The following FOXP1 variants were observed in gnomAD, a reference collection of about 807,000 sequenced individuals.
FOXP1 encodes forkhead box P1, also known as forkhead box protein P1.
FOXP1 carries 15 observed loss-of-function variants against 98.2 expected under a neutral mutation model. The observed-to-expected ratio is 0.15, with a 90% CI of 0.10 to 0.24. The LOEUF is 0.24. Ranked by LOEUF, FOXP1 falls within the 10% of genes least tolerant of loss-of-function variation. FOXP1 has a pLI of 1.00. For synonymous variants in FOXP1, 371 were observed against 314.5 expected (o/e 1.18, Z -1.90); for missense variants, 633 against 848.5 (o/e 0.75, Z 3.15).
chr3:70,961,607 T>A (rs2033536077), intron 20 of FOXP1, among the ~76,000 whole-genome samples: 1 of 152,136 alleles, frequency 6.6e-6, no homozygotes, highest in South Asian at 2.1e-4. Flanking sequence ...CCCAGCAGTC[T>A]GTATTAAGCA....
intron 2 of FOXP1, among the ~76,000 whole-genome samples, chr3:71,531,379 C>T (rs1224279128): frequency 6.6e-6 from 1 of 152,214 alleles, no homozygotes; most frequent in Non-Finnish European, 1.5e-5. Context: ...GCTCCAGTTA[C>T]AGCTGTAAAC....
intron 12 of FOXP1, among the ~76,000 whole-genome samples, chr3:71,005,228 G>C (rs1406533028): frequency 6.9e-6 from 1 of 144,950 alleles, no homozygotes; most frequent in Admixed American, 7.3e-5. Context: ...CTCTTAGCCA[G>C]TGAGCTGACA....
At chr3:71,214,064 G>T (rs753021859) in intron 5 of FOXP1, among the ~76,000 whole-genome samples, 13 of 151,528 alleles carry the variant, frequency 8.6e-5, no homozygotes, top group Non-Finnish European at 1.2e-4. Flanking sequence ...CTGAGAAACA[G>T]CCAGAAGCTG....
At chr3:71,272,075 T>C (rs980499509) in intron 5 of FOXP1, among the ~76,000 whole-genome samples, 2 of 152,156 alleles carry the variant, frequency 1.3e-5, no homozygotes, top group South Asian at 2.1e-4. Flanking sequence ...AGAGTCTTAA[T>C]AGACAGGTTC....
intron 5 of FOXP1, among the ~76,000 whole-genome samples, chr3:71,285,201 G>C (rs1323522960): frequency 6.6e-6 from 1 of 152,142 alleles, no homozygotes; most frequent in East Asian, 1.9e-4. Context: ...CTCAAAAATA[G>C]TAAGAAACAC....
intron 5 of FOXP1, among the ~76,000 whole-genome samples, chr3:71,287,121 CAA>C (rs1400012550): frequency 6.6e-6 from 1 of 151,960 alleles, no homozygotes; most frequent in Non-Finnish European, 1.5e-5. Flanking sequence ...AAGCAGGAAA[CAA>C]AAAGAGTACA....
intron 5 of FOXP1, among the ~76,000 whole-genome samples, chr3:71,257,763 A>T (rs2068759419): frequency 6.6e-6 from 1 of 152,156 alleles, no homozygotes; most frequent in Admixed American, 6.5e-5. Flanking sequence ...TTTCTCAGGC[A>T]TTGTGGTGAA....
intron 2 of FOXP1, among the ~76,000 whole-genome samples, chr3:71,543,246 T>C (rs923639263): frequency 7.2e-5 from 11 of 152,226 alleles, no homozygotes; most frequent in Non-Finnish European, 1.0e-4. Context: ...TTGCATCATT[T>C]AGTTAACATC....
intron 12 of FOXP1, among the ~76,000 whole-genome samples, chr3:71,013,995 T>C (rs922746064): frequency 6.6e-6 from 1 of 152,070 alleles, no homozygotes; most frequent in Non-Finnish European, 1.5e-5. Flanking sequence ...ATACAAAAAT[T>C]AATTCAAGAT....
chr3:71,159,878 AAC>A (rs2061045216), intron 6 of FOXP1, among the ~76,000 whole-genome samples: 1 of 152,240 alleles, frequency 6.6e-6, no homozygotes, highest in South Asian at 2.1e-4. Context: ...AGAACTAATT[AAC>A]ACAGTTACGC....
At chr3:71,133,478 G>A (rs1347540464) in intron 6 of FOXP1, among the ~76,000 whole-genome samples, 1 of 152,178 alleles carries the variant, frequency 6.6e-6, no homozygotes, top group Non-Finnish European at 1.5e-5. Context: ...ATCCTTGAAT[G>A]TGAAATGGCT....
intron 14 of FOXP1, among the ~76,000 whole-genome samples, chr3:70,984,578 G>A (rs985079748): frequency 2.0e-5 from 3 of 152,046 alleles, no homozygotes; most frequent in South Asian, 2.1e-4. Flanking sequence ...TACTTGTCAC[G>A]TATGTCACAT....
intron 5 of FOXP1, among the ~76,000 whole-genome samples, chr3:71,273,654 G>T (rs2070609199): frequency 6.6e-6 from 1 of 152,148 alleles, no homozygotes; most frequent in African/African-American, 2.4e-5. Flanking sequence ...GCTAATGGGG[G>T]GATGACTGCT....
intron 4 of FOXP1, among the ~76,000 whole-genome samples, chr3:71,319,022 G>T (rs1026771588): frequency 1.3e-5 from 2 of 152,216 alleles, no homozygotes; most frequent in African/African-American, 4.8e-5. Context: ...AAAGAGGGCA[G>T]AAACATTTCA....
chr3:71,435,105 G>C (rs2085124089), intron 3 of FOXP1, among the ~76,000 whole-genome samples: 1 of 148,826 alleles, frequency 6.7e-6, no homozygotes, highest in Admixed American at 6.8e-5. Context: ...CTTAAAGTAA[G>C]AGACTTCAAG....
At chr3:71,530,904 A>T (rs1475436400) in intron 2 of FOXP1, among the ~76,000 whole-genome samples, 1 of 152,230 alleles carries the variant, frequency 6.6e-6, no homozygotes, top group Non-Finnish European at 1.5e-5. Flanking sequence ...ATGGCGAAGG[A>T]AAAAGACTGA....
chr3:71,512,674 A>T (rs2042284535), intron 2 of FOXP1, among the ~76,000 whole-genome samples: 1 of 152,212 alleles, frequency 6.6e-6, no homozygotes, highest in Admixed American at 6.5e-5. Flanking sequence ...ATGCCACTTC[A>T]TACAACAGCT....
chr3:71,198,242 C>T lies in FOXP1; in HGVS notation c.140G>A (p.Gly47Glu), dbSNP rs1485902405. The T allele has an allele frequency of 6.2e-7, 1 of 1,614,124 alleles. No individual in the cohort carries two copies. Among genetic ancestry groups the T allele is most frequent in the Admixed American group, 1.7e-5 (1 of 60,026 alleles). The change falls in exon 6 of 21, where the codon GGG becomes GAG. Residue 47 changes from glycine (G) to glutamate (E), a missense_variant. Around this residue, in one of 6 missense-constraint regions of FOXP1, gnomAD observed 103 missense variants for 85.5 expected, o/e 1.20. Coordinates refer to ENST00000649528, the MANE Select transcript of FOXP1 (RefSeq NM_001349338.3). ...CTGGGCGTGGGCGAGGTCAGCTGCC[C>T]CGATGTCCACGGCCGGCGTCTCTCC... ...SNGETPAVDI[G>E]AADLAHAQQQ...
rs71104433 is a variant in FOXP1 at position 71,262,264 on chromosome 3, C to CAAAAA, written c.-12+37551_-12+37555dup. Among the ~76,000 whole-genome samples the CAAAAA allele has an allele frequency of 1.7e-3, 44 of 25,714 alleles. 6 individuals are homozygous for CAAAAA. The highest frequency in any genetic ancestry group is 2.5e-3 in the South Asian group (1 of 408). 16.9% of individuals were successfully genotyped at this position (25,714 alleles called of 152,430 possible). On this transcript the variant is annotated intron_variant, in intron 5 of 20. Coordinates refer to ENST00000649528, the MANE Select transcript of FOXP1 (RefSeq NM_001349338.3). The stretch of plus-strand genomic sequence containing the variant: ...CTGGCAACAGGACAAGACTCTGTCA[C>CAAAAA]AAAAAAAAAAAAAAAAAAAAAAAAA...
Sources: allele counts gnomAD v4.1 joint callset (sites outside exome capture counted in the v4.1 genomes callset), GRCh38; gene constraint gnomAD v4.1.1; regional missense constraint gnomAD v4.1.1; transcripts MANE v1.5; gene names NCBI Gene and HGNC (gene_info 2026-07-23, HGNC 2026-07-21).